The following BMPR2 variants were observed in gnomAD, a reference collection of about 807,000 sequenced individuals.
BMPR2 encodes the protein bone morphogenetic protein receptor type-2.
In BMPR2, 29 loss-of-function variants were observed where a neutral mutation model predicts 100.8. The observed-to-expected ratio is 0.29, with a 90% CI of 0.21 to 0.39. The LOEUF is 0.39. Among genes scored for constraint, BMPR2 ranks in the 10% least tolerant of loss-of-function variants. The probability of loss-of-function intolerance (pLI) is 1.00; values close to 1 mark genes in which losing one functional copy is unlikely to be tolerated. For synonymous variants in BMPR2, 382 were observed against 442.3 expected (o/e 0.86, Z 1.71); for missense variants, 1,011 against 1,274.5 (o/e 0.79, Z 3.15).
At chr2:202,504,711 A>G (rs1042783043) in intron 3 of BMPR2, among the ~76,000 whole-genome samples, 1 of 125,412 alleles carries the variant, frequency 8.0e-6, no homozygotes, top group African/African-American at 3.2e-5. Context: ...AGAGAGTCGC[A>G]CTCTGTCACT....
At chr2:202,446,180 C>T (rs553028210) in intron 1 of BMPR2, among the ~76,000 whole-genome samples, 1 of 150,384 alleles carries the variant, frequency 6.6e-6, no homozygotes, top group South Asian at 2.1e-4. Context: ...GTGGGCGGAT[C>T]CCCTGAGGTT....
At chr2:202,541,026 A>C (rs1030367719) in intron 9 of BMPR2, among the ~76,000 whole-genome samples, 1 of 152,186 alleles carries the variant, frequency 6.6e-6, no homozygotes, top group African/African-American at 2.4e-5. Context: ...ATATTTTGTA[A>C]AAATCAAAAG....
intron 1 of BMPR2, among the ~76,000 whole-genome samples, chr2:202,424,405 C>G (rs1194816416): frequency 6.8e-6 from 1 of 146,572 alleles, no homozygotes; most frequent in Non-Finnish European, 1.5e-5. Flanking sequence ...TTTTTATAAG[C>G]TGTGGCCCTA....
chr2:202,531,324 C>A (rs72926907), intron 8 of BMPR2, among the ~76,000 whole-genome samples: 25,510 of 151,978 alleles, frequency 0.17, 2,462 homozygotes, highest in Middle Eastern at 0.24. Flanking sequence ...TCATATACTG[C>A]CAATTATAGA....
At chr2:202,413,359 A>T (rs1691052504) in intron 1 of BMPR2, among the ~76,000 whole-genome samples, 1 of 152,228 alleles carries the variant, frequency 6.6e-6, no homozygotes. Flanking sequence ...TTATACAGGC[A>T]TGAATTATAG....
At chr2:202,528,786 G>A (rs1210812155) in intron 7 of BMPR2, among the ~76,000 whole-genome samples, 1 of 152,202 alleles carries the variant, frequency 6.6e-6, no homozygotes, top group Non-Finnish European at 1.5e-5. Context: ...TCCCACCACT[G>A]TAAAGTTGAG....
At chr2:202,465,799 G>A (rs1054087304) in intron 2 of BMPR2, among the ~76,000 whole-genome samples, 1 of 151,972 alleles carries the variant, frequency 6.6e-6, no homozygotes, top group African/African-American at 2.4e-5. Context: ...CTTGCAGTGA[G>A]CCGAGATCGC....
At chr2:202,451,771 CAG>C (rs927513629) in intron 1 of BMPR2, among the ~76,000 whole-genome samples, 12 of 151,990 alleles carry the variant, frequency 7.9e-5, no homozygotes, top group Admixed American at 5.2e-4. Context: ...GTTTTTGAGA[CAG>C]AGTTTCACCC....
At chr2:202,501,416 AC>A (rs1449503683) in intron 3 of BMPR2, among the ~76,000 whole-genome samples, 9 of 152,256 alleles carry the variant, frequency 5.9e-5, no homozygotes, top group Admixed American at 2.0e-4. Flanking sequence ...AGCCTTTAAA[AC>A]CTTAAAGCAG....
Position 202,555,951 on chromosome 2 carries a change from C to T in BMPR2, c.2286C>T (p.Thr762=). The T allele has an allele frequency of 6.2e-7, 1 of 1,614,098 alleles. No homozygotes were observed. Among genetic ancestry groups the T allele is most frequent in the South Asian group, 1.1e-5 (1 of 91,078 alleles). The change falls in exon 12 of 13, where the codon ACC becomes ACT. Residue 762 remains threonine, a synonymous_variant. Coordinates refer to ENST00000374580, the MANE Select transcript of BMPR2 (RefSeq NM_001204.7). ...GACCTACTAGTTTGCCTTTGAACAC[C>T]AAAAATTCAACAAAAGAGCCCCGGC... ...PKRPTSLPLN[T]KNSTKEPRLK...
At position 202,443,626 on chromosome 2, in the gene BMPR2, C is replaced by T. The variant is rs1026795598; in HGVS notation, c.77-21183C>T. On this transcript the variant is annotated intron_variant, in intron 1 of 12. Transcript: ENST00000374580. Reference sequence around the variant, plus strand: ...TCACCCAGGCTGGAGTGCAGTGGCGCGATCTCGGCTGACTACAACCTCCAC... The same window carrying T: ...TCACCCAGGCTGGAGTGCAGTGGCGTGATCTCGGCTGACTACAACCTCCAC... Among the ~76,000 whole-genome samples the T allele has an allele frequency of 5.3e-5, 8 of 149,564 alleles. No individual in the cohort carries two copies. The South Asian group carries it at 8.3e-4, about 16-fold the overall frequency.
chr2:202,456,741 C>CT (rs1326746038), intron 1 of BMPR2, among the ~76,000 whole-genome samples: 2 of 152,096 alleles, frequency 1.3e-5, no homozygotes, highest in Non-Finnish European at 2.9e-5. Flanking sequence ...TCTTGAACTC[C>CT]TGACCTCAGG....
At chr2:202,447,456 C>G (rs1006450360) in intron 1 of BMPR2, among the ~76,000 whole-genome samples, 2 of 150,694 alleles carry the variant, frequency 1.3e-5, no homozygotes, top group African/African-American at 2.5e-5. Context: ...CTGTGGGAGC[C>G]TGAGGTGGGA....
In BMPR2 at chr2:202,520,081, A is replaced by C; in HGVS notation, c.853-6A>C. 2 of 1,563,080 alleles carry C rather than the reference A, an allele frequency of 1.3e-6. No homozygotes were observed. Among genetic ancestry groups the C allele is most frequent in the Non-Finnish European group, 8.7e-7 (1 of 1,147,970 alleles). The stretch of plus-strand genomic sequence containing the variant: ...TTTTTTTTTTCGCATTTTTTCCTCT[A>C]TATAGGGATCTTTATGCAAGTATTT... On this transcript the variant is annotated splice_polypyrimidine_tract_variant and splice_region_variant and intron_variant, in intron 6 of 12. Transcript: ENST00000374580.
chr2:202,540,380 A>G (rs147991282), intron 9 of BMPR2, among the ~76,000 whole-genome samples: 16 of 152,304 alleles, frequency 1.1e-4, no homozygotes, highest in Non-Finnish European at 2.2e-4. Context: ...CAAGGAAGAA[A>G]GTGATATACT....
At position 202,518,297 on chromosome 2, in the gene BMPR2, C is replaced by G. The variant is rs1204695069; in HGVS notation, c.622-525C>G. 7.9e-5 allele frequency among the ~76,000 whole-genome samples: 12 copies of G among 151,436 alleles called. No individual in the cohort carries two copies. The East Asian group carries it at 2.3e-3, about 30-fold the overall frequency. ...GGATTACAGGCGTGTGCCATGATAC[C>G]CGGCTAATTTTTGTATTTTTAGTAG... On this transcript the variant is annotated intron_variant, in intron 5 of 12. Transcript: ENST00000374580.
intron 5 of BMPR2, among the ~76,000 whole-genome samples, chr2:202,517,413 C>G (rs900407928): frequency 1.3e-5 from 2 of 150,966 alleles, no homozygotes; most frequent in African/African-American, 2.4e-5. Context: ...CTCTGCCTCC[C>G]GGTTTCAAGT....
At chr2:202,525,445 C>T (rs1687892257) in intron 7 of BMPR2, among the ~76,000 whole-genome samples, 1 of 152,154 alleles carries the variant, frequency 6.6e-6, no homozygotes, top group Admixed American at 6.6e-5. Context: ...GAGCCGCCCA[C>T]CTCTGCCTCC....
At chr2:202,380,165 C>G (rs1690247132) in intron 1 of BMPR2, among the ~76,000 whole-genome samples, 1 of 150,946 alleles carries the variant, frequency 6.6e-6, no homozygotes, top group Admixed American at 6.6e-5. Context: ...CACACCCCGC[C>G]TAATTCTTAG....
Sources: allele counts gnomAD v4.1 joint callset (sites outside exome capture counted in the v4.1 genomes callset), GRCh38; gene constraint gnomAD v4.1.1; transcripts MANE v1.5; gene names NCBI Gene and HGNC (gene_info 2026-07-23, HGNC 2026-07-21).